LOC122539214: variants seen among roughly 807,000 people sequenced by gnomAD.
the LOC122539214 span, among the ~76,000 whole-genome samples, chr19:52,669,321 C>T: frequency 6.6e-6 from 1 of 152,160 alleles, no homozygotes; most frequent in Non-Finnish European, 1.5e-5. Context: ...CAATTTAAAG[C>T]CCAAAATCAA....
the LOC122539214 span, among the ~76,000 whole-genome samples, chr19:52,677,423 T>A: frequency 6.6e-6 from 1 of 150,988 alleles, no homozygotes; most frequent in African/African-American, 2.4e-5. Flanking sequence ...GCAGTGGAGG[T>A]TGCAGTGAGC....
At chr19:52,690,248 G>A in the LOC122539214 span, among the ~76,000 whole-genome samples, 1 of 151,356 alleles carries the variant, frequency 6.6e-6, no homozygotes, top group Non-Finnish European at 1.5e-5. Context: ...AGAGCAGAAA[G>A]ACAGGGGATG....
chr19:52,677,502 A>ATGAACACTAAAATATAGGGATTTCATTC, the LOC122539214 span, among the ~76,000 whole-genome samples: 7 of 151,814 alleles, frequency 4.6e-5, no homozygotes, highest in African/African-American at 1.7e-4. Context: ...AAAAAAAGAA[A>ATGAACACTAAAATATAGGGATTTCATTC]AAGAGATCCA....
the LOC122539214 span, among the ~76,000 whole-genome samples, chr19:52,657,907 C>CG: frequency 9.1e-3 from 1,378 of 150,960 alleles, 20 homozygotes; most frequent in African/African-American, 0.033. Context: ...GAGGCCAAGG[C>CG]GGGGGGATCA....
the LOC122539214 span, among the ~76,000 whole-genome samples, chr19:52,685,958 C>A: frequency 6.6e-6 from 1 of 151,396 alleles, no homozygotes; most frequent in African/African-American, 2.4e-5. Flanking sequence ...GCATTCCATG[C>A]CAATCCAACC....
chr19:52,681,628 A>G, the LOC122539214 span, among the ~76,000 whole-genome samples: 7,662 of 152,188 alleles, frequency 0.05, 651 homozygotes, highest in African/African-American at 0.18. Context: ...ATTACCACAA[A>G]TCAAATAGCT....
chr19:52,656,864 CAAAAAAAAAAAAA>C, the LOC122539214 span, among the ~76,000 whole-genome samples: 2 of 136,564 alleles, frequency 1.5e-5, no homozygotes, highest in African/African-American at 2.6e-5. Context: ...GACTCCGTCT[CAAAAAAAAAAAAA>C]AAAAAAAAAT....
chr19:52,663,676 T>C, the LOC122539214 span, among the ~76,000 whole-genome samples: 1 of 152,134 alleles, frequency 6.6e-6, no homozygotes, highest in Non-Finnish European at 1.5e-5. Context: ...ATGTTTCCAA[T>C]ACATAATAAA....
At chr19:52,652,486 C>T in the LOC122539214 span, 1 of 442,596 alleles carries the variant, frequency 2.3e-6, no homozygotes, top group African/African-American at 2.0e-5. Context: ...GAGGTTCTCT[C>T]CCATATGAAT....
the LOC122539214 span, among the ~76,000 whole-genome samples, chr19:52,677,100 G>T: frequency 7.6e-6 from 1 of 132,436 alleles, no homozygotes; most frequent in Non-Finnish European, 1.6e-5. Flanking sequence ...CCCCCTCTGT[G>T]AGAAACACCC....
the LOC122539214 span, among the ~76,000 whole-genome samples, chr19:52,683,522 A>AGGACCCTC: frequency 1.9e-4 from 16 of 84,122 alleles, no homozygotes; most frequent in South Asian, 3.4e-4. Flanking sequence ...AAGGGAATCC[A>AGGACCCTC]AAGGGAAGGG....
the LOC122539214 span, among the ~76,000 whole-genome samples, chr19:52,689,573 G>C: frequency 0.029 from 4,350 of 148,682 alleles, 92 homozygotes; most frequent in African/African-American, 0.062. Flanking sequence ...TGTCCTTCAT[G>C]TCTCTGTACA....
chr19:52,675,301 TA>T, the LOC122539214 span, among the ~76,000 whole-genome samples: 10 of 152,244 alleles, frequency 6.6e-5, no homozygotes, highest in Admixed American at 2.0e-4. Flanking sequence ...GACTTGATCC[TA>T]GGCCTGAAGG....
the LOC122539214 span, among the ~76,000 whole-genome samples, chr19:52,670,121 C>G: frequency 1.3e-5 from 2 of 152,050 alleles, no homozygotes; most frequent in Non-Finnish European, 2.9e-5. Context: ...ATCACCTGCT[C>G]CACCTTGACT....
At chr19:52,675,672 A>G in the LOC122539214 span, among the ~76,000 whole-genome samples, 5 of 152,286 alleles carry the variant, frequency 3.3e-5, no homozygotes, top group Admixed American at 3.3e-4. Context: ...TTGCATCCAG[A>G]TCAATGTACC....
At chr19:52,683,599 C>T in the LOC122539214 span, among the ~76,000 whole-genome samples, 1 of 151,732 alleles carries the variant, frequency 6.6e-6, no homozygotes, top group East Asian at 2.0e-4. Context: ...GACCTGGGAG[C>T]TGGAGTGAGG....
At chr19:52,677,324 A>C in the LOC122539214 span, among the ~76,000 whole-genome samples, 20 of 148,734 alleles carry the variant, frequency 1.3e-4, no homozygotes, top group South Asian at 2.6e-3. Context: ...AAAAAAAAAA[A>C]AAAAAACAAA....
At chr19:52,651,049 G>C in the LOC122539214 span, 1 of 152,176 alleles carries the variant, frequency 6.6e-6, no homozygotes, top group East Asian at 1.9e-4. Context: ...TGGGCTACTT[G>C]AACTGTGCAT....
the LOC122539214 span, among the ~76,000 whole-genome samples, chr19:52,674,622 T>C: frequency 6.6e-6 from 1 of 152,144 alleles, no homozygotes; most frequent in African/African-American, 2.4e-5. Flanking sequence ...TTCCATGCAA[T>C]AACAGTAAAA....
Sources: gnomAD v4.1 joint callset for allele counts (sites outside exome capture counted in the v4.1 genomes callset) on GRCh38, gnomAD v4.1.1 for gene constraint, MANE v1.5 for transcripts.